The following CC2D2A variants were observed in gnomAD, a reference collection of about 807,000 sequenced individuals.
CC2D2A encodes coiled-coil and C2 domain-containing protein 2A.
A neutral mutation model predicts 212.9 loss-of-function variants in CC2D2A; 155 were observed. The observed-to-expected ratio is 0.73, with a 90% CI of 0.64 to 0.83. The LOEUF (loss-of-function observed/expected upper bound fraction) is 0.83. Ranked by LOEUF, CC2D2A falls within the 40% of genes least tolerant of loss-of-function variation. CC2D2A has a pLI of 0.00. For synonymous variants in CC2D2A, 667 were observed against 686.5 expected, an observed-to-expected ratio of 0.97 and a Z score of 0.44; for missense variants, 1,856 against 1,956.2, an observed-to-expected ratio of 0.95 and a Z score of 0.97.
intron 16 of CC2D2A, among the ~76,000 whole-genome samples, chr4:15,539,489 A>T (rs1211851336): frequency 6.6e-6 from 1 of 152,220 alleles, no homozygotes; most frequent in East Asian, 1.9e-4. Flanking sequence ...GTTAATTAGG[A>T]TGTCATTATA....
chr4:15,550,525 G>C (rs930542993), intron 17 of CC2D2A, among the ~76,000 whole-genome samples: 2 of 152,150 alleles, frequency 1.3e-5, no homozygotes, highest in South Asian at 4.1e-4. Flanking sequence ...CATTCTCCTA[G>C]CAAGCCATAT....
chr4:15,501,986 T>C (rs934175964), intron 4 of CC2D2A, among the ~76,000 whole-genome samples: 2 of 152,194 alleles, frequency 1.3e-5, no homozygotes, highest in South Asian at 2.1e-4. Flanking sequence ...AAGATATCAG[T>C]GCAATTGAAA....
Position 15,516,133 on chromosome 4 carries a change from AT to A in CC2D2A, c.1017+142del, listed in dbSNP as rs58218122. On this transcript the variant is annotated intron_variant, in intron 10 of 36. Coordinates refer to ENST00000424120, the MANE Select transcript of CC2D2A (RefSeq NM_001378615.1). ...TGAGGTTATCCACAGAAAGTGGTTC[AT>A]TTTTTTTTTTTTAACTTTCTCTCTC... The A allele has an allele frequency of 0.3, 215,802 of 709,822 alleles. 7,555 individuals are homozygous for A. Among genetic ancestry groups the A allele is most frequent in the East Asian group, 0.32 (8,243 of 25,876 alleles). 44.0% of individuals were successfully genotyped at this position (709,822 alleles called of 1,614,324 possible).
rs141807854 is a variant in CC2D2A, at chr4:15,572,794, G to A, written c.3595-1356G>A. Among the ~76,000 whole-genome samples the A allele has an allele frequency of 3.6e-3, 551 of 152,172 alleles. 3 individuals are homozygous for A. The highest frequency in any genetic ancestry group is 0.024 in the East Asian group (124 of 5,178). On this transcript the variant is annotated intron_variant, in intron 28 of 36. Transcript: ENST00000424120. ...AGCTGAGGAGCAAGGAAGCCAATCC[G>A]AGTCCCAAAACCTCAAAAGTAGGGA...
Position 15,596,855 on chromosome 4 carries a change from C to A in CC2D2A, c.4438-552C>A, listed in dbSNP as rs11726647. Among the ~76,000 whole-genome samples the A allele has an allele frequency of 2.0e-5, 3 of 151,992 alleles. No homozygotes were observed. In the East Asian group the frequency reaches 5.8e-4, roughly 29 times the overall value. On this transcript the variant is annotated intron_variant, in intron 34 of 36. Coordinates refer to ENST00000424120, the MANE Select transcript of CC2D2A (RefSeq NM_001378615.1). ...GACAGAAGAGAAAAATTATGTAACACGATGGAATATTTTACAGTAGTTAAT... is the reference window on the plus strand; with the variant it reads ...GACAGAAGAGAAAAATTATGTAACAAGATGGAATATTTTACAGTAGTTAAT...
At chr4:15,510,014 G>T in intron 6 of CC2D2A, 125 bp from the exon 7 acceptor site, 1 of 719,652 alleles carries the variant, frequency 1.4e-6, no homozygotes. Context: ...CATGCCTTAG[G>T]AATGATAAGA....
chr4:15,551,634 CCAAT>C (rs1380414955), intron 18 of CC2D2A, among the ~76,000 whole-genome samples: 2 of 152,142 alleles, frequency 1.3e-5, no homozygotes, highest in African/African-American at 4.8e-5. Context: ...TAGTTCTTTC[CCAAT>C]CAGTGTGGTC....
In CC2D2A at chr4:15,599,613, G is replaced by A. The variant is rs1172724591; in HGVS notation, c.4581G>A (p.Leu1527=). Residue 1527 remains leucine, a synonymous_variant, in exon 36 of 37, where the codon CTG becomes CTA. Transcript: ENST00000424120. ...TRWNRYCTST[L]RHFLPLLEKS... ...GGAATAGGTATTGTACCTCTACTCT[G>A]CGTCACTTCTTGCCTCTGTTAGAAA... 6.2e-7 allele frequency: 1 copy of A among 1,613,396 alleles called. No individual in the cohort carries two copies. Among genetic ancestry groups the A allele is most frequent in the Non-Finnish European group, 8.5e-7 (1 of 1,179,502 alleles).
chr4:15,592,932 A>C (rs775762203), intron 33 of CC2D2A, among the ~76,000 whole-genome samples: 3 of 152,142 alleles, frequency 2.0e-5, no homozygotes, highest in Non-Finnish European at 4.4e-5. Flanking sequence ...AAACCCTCGA[A>C]TTATTCTTGA....
intron 26 of CC2D2A, among the ~76,000 whole-genome samples, chr4:15,568,918 G>A (rs556133004): frequency 6.6e-6 from 1 of 152,124 alleles, no homozygotes; most frequent in Non-Finnish European, 1.5e-5. Flanking sequence ...CCCTTCTGGG[G>A]CCCATTTGCT....
intron 4 of CC2D2A, among the ~76,000 whole-genome samples, chr4:15,501,216 A>AGTG (rs1553823736): frequency 6.6e-6 from 1 of 152,100 alleles, no homozygotes; most frequent in Non-Finnish European, 1.5e-5. Flanking sequence ...AGAAGACACG[A>AGTG]CTGCTGCTGC....
intron 4 of CC2D2A, among the ~76,000 whole-genome samples, chr4:15,496,605 G>A (rs1414270881): frequency 2.0e-5 from 3 of 152,004 alleles, no homozygotes; most frequent in Non-Finnish European, 4.4e-5. Context: ...TCTATACCTA[G>A]AAAACCCATT....
chr4:15,502,754 A>G (rs1403567236), intron 5 of CC2D2A, 68 bp from the exon 6 acceptor site: 3 of 1,363,300 alleles, frequency 2.2e-6, no homozygotes, highest in Admixed American at 2.1e-5. Context: ...GATAGCATGT[A>G]TTTTTTACTG....
intron 16 of CC2D2A, among the ~76,000 whole-genome samples, chr4:15,540,505 G>T (rs1458267665): frequency 6.6e-6 from 1 of 152,088 alleles, no homozygotes; most frequent in African/African-American, 2.4e-5. Flanking sequence ...CCTTTGTCTT[G>T]AATTTATTCC....
At chr4:15,527,804 G>T in intron 12 of CC2D2A, 148 bp downstream of exon 12, 1 of 654,414 alleles carries the variant, frequency 1.5e-6, no homozygotes, top group Non-Finnish European at 2.6e-6. Flanking sequence ...TCCAGCTAGA[G>T]ACAAAAGGGA....
intron 4 of CC2D2A, among the ~76,000 whole-genome samples, chr4:15,482,735 A>G (rs1385823563): frequency 6.6e-6 from 1 of 152,134 alleles, no homozygotes; most frequent in Non-Finnish European, 1.5e-5. Context: ...TGGATATTTA[A>G]TTATTTATTT....
Position 15,599,612 on chromosome 4 carries a change from T to C in CC2D2A, c.4580T>C (p.Leu1527Pro). 6.2e-7 allele frequency: 1 copy of C among 1,613,422 alleles called. No individual in the cohort carries two copies. Among genetic ancestry groups the C allele is most frequent in the East Asian group, 2.2e-5 (1 of 44,868 alleles). ...TGGAATAGGTATTGTACCTCTACTC[T>C]GCGTCACTTCTTGCCTCTGTTAGAA... is the stretch of plus-strand genomic sequence containing the variant. ...TRWNRYCTST[L>P]RHFLPLLEKS... Residue 1527 changes from leucine (L) to proline (P), a missense_variant, in exon 36 of 37, where the codon CTG (leucine) becomes CCG (proline). By Grantham distance (98) the Leu-to-Pro change is moderately conservative (BLOSUM62 -3). Coordinates refer to ENST00000424120, the MANE Select transcript of CC2D2A (RefSeq NM_001378615.1).
At chr4:15,528,837 T>C in intron 13 of CC2D2A, 111 bp downstream of exon 13, 1 of 700,544 alleles carries the variant, frequency 1.4e-6, no homozygotes, top group Non-Finnish European at 2.4e-6. Context: ...TGTGAAATTA[T>C]GCCATATAAA....
intron 28 of CC2D2A, among the ~76,000 whole-genome samples, chr4:15,572,198 TCACAA>T (rs1419643850): frequency 1.3e-5 from 2 of 152,160 alleles, no homozygotes; most frequent in Admixed American, 6.5e-5. Flanking sequence ...CAATTAAACC[TCACAA>T]CACAATTGGC....
Sources: allele counts gnomAD v4.1 joint callset (sites outside exome capture counted in the v4.1 genomes callset), GRCh38; gene constraint gnomAD v4.1.1; transcripts MANE v1.5; gene names NCBI Gene and HGNC (gene_info 2026-07-23, HGNC 2026-07-21).